Variants in GFRA1 observed in about 807,000 individuals in gnomAD.
The protein encoded by GFRA1 is GDNF family receptor alpha 1.
A neutral mutation model predicts 51.6 loss-of-function variants in GFRA1; 16 were observed. The observed-to-expected ratio is 0.31, with a 90% CI of 0.21 to 0.47. The LOEUF (loss-of-function observed/expected upper bound fraction) is 0.47, where lower values mean the gene tolerates loss of function less well. GFRA1 is among the 20% of genes least tolerant of loss of function. The pLI is 1.00. For missense variants in GFRA1, 530 were observed against 594.3 expected (o/e 0.89, Z 1.13); for synonymous variants, 270 against 241.3 (o/e 1.12, Z -1.10).
chr10:116,224,441 G>T (rs188379748), intron 4 of GFRA1, among the ~76,000 whole-genome samples: 1 of 152,230 alleles, frequency 6.6e-6, no homozygotes, highest in South Asian at 2.1e-4. Flanking sequence ...GAAATAATAC[G>T]AATGTCCATC....
chr10:116,154,132 TG>T (rs1348363405), intron 5 of GFRA1, among the ~76,000 whole-genome samples: 3 of 152,082 alleles, frequency 2.0e-5, no homozygotes, highest in African/African-American at 4.8e-5. Context: ...AATCTGCTGG[TG>T]GGAGTGCCAA....
intron 10 of GFRA1, among the ~76,000 whole-genome samples, chr10:116,065,300 C>T (rs901874902): frequency 2.0e-5 from 3 of 152,208 alleles, no homozygotes; most frequent in Non-Finnish European, 2.9e-5. Flanking sequence ...GATGATTTTA[C>T]ATGACTGTGA....
At chr10:116,204,613 T>G (rs1468545991) in intron 5 of GFRA1, among the ~76,000 whole-genome samples, 1 of 152,204 alleles carries the variant, frequency 6.6e-6, no homozygotes, top group Non-Finnish European at 1.5e-5. Context: ...AGGTTACTTT[T>G]GTTAAGGAAT....
At chr10:116,221,635 G>A (rs1036630960) in intron 4 of GFRA1, among the ~76,000 whole-genome samples, 19 of 152,164 alleles carry the variant, frequency 1.2e-4, no homozygotes, top group African/African-American at 4.6e-4. Flanking sequence ...GTGTTGGCCA[G>A]GCTGGTCTCA....
chr10:116,128,497 G>GGACC (rs1311254187), intron 5 of GFRA1, among the ~76,000 whole-genome samples: 1 of 152,024 alleles, frequency 6.6e-6, no homozygotes, highest in Non-Finnish European at 1.5e-5. Context: ...AGGCCGAGGT[G>GGACC]GACCGATCAC....
chr10:116,150,267 C>T (rs1959008682), intron 5 of GFRA1, among the ~76,000 whole-genome samples: 1 of 152,166 alleles, frequency 6.6e-6, no homozygotes, highest in South Asian at 2.1e-4. Flanking sequence ...CCTCCTCCTT[C>T]CACTTTGATA....
chr10:116,122,380 T>C (rs1039602568), intron 6 of GFRA1, among the ~76,000 whole-genome samples: 4 of 152,154 alleles, frequency 2.6e-5, no homozygotes, highest in Non-Finnish European at 5.9e-5. Flanking sequence ...TGTTGTACAT[T>C]TCTGTGCCGT....
intron 5 of GFRA1, among the ~76,000 whole-genome samples, chr10:116,183,212 G>A (rs1294929578): frequency 6.6e-6 from 1 of 152,124 alleles, no homozygotes; most frequent in African/African-American, 2.4e-5. Flanking sequence ...TACCCGCTGG[G>A]CCTGGGGTTC....
At chr10:116,071,833 T>C (rs1019785920) in intron 9 of GFRA1, among the ~76,000 whole-genome samples, 2 of 152,258 alleles carry the variant, frequency 1.3e-5, no homozygotes, top group Non-Finnish European at 2.9e-5. Context: ...TTTTGGATTA[T>C]GTGACCAGGA....
intron 5 of GFRA1, among the ~76,000 whole-genome samples, chr10:116,156,391 G>A (rs1018219275): frequency 3.3e-5 from 5 of 151,980 alleles, no homozygotes; most frequent in African/African-American, 1.2e-4. Context: ...TTTCATTCAG[G>A]GCACAAATGA....
At chr10:116,085,043 G>T (rs1380644282) in intron 9 of GFRA1, among the ~76,000 whole-genome samples, 2 of 152,170 alleles carry the variant, frequency 1.3e-5, no homozygotes, top group South Asian at 2.1e-4. Flanking sequence ...CCAAAACCCG[G>T]TATTTTATCA....
At chr10:116,113,362 C>G (rs531771868) in intron 6 of GFRA1, among the ~76,000 whole-genome samples, 159 of 152,124 alleles carry the variant, frequency 1.0e-3, no homozygotes, top group Admixed American at 3.5e-3. Context: ...AAACAAAAGC[C>G]CATTGAGATC....
At chr10:116,184,226 G>T (rs1363363278) in intron 5 of GFRA1, among the ~76,000 whole-genome samples, 1 of 152,226 alleles carries the variant, frequency 6.6e-6, no homozygotes, top group Non-Finnish European at 1.5e-5. Flanking sequence ...ACTGGCTTAT[G>T]AAATCTCCAG....
At chr10:116,081,764 G>A (rs1221754138) in intron 9 of GFRA1, among the ~76,000 whole-genome samples, 2 of 152,218 alleles carry the variant, frequency 1.3e-5, no homozygotes, top group Admixed American at 6.5e-5. Flanking sequence ...GTTTTCCAAA[G>A]TGGGGCTTGG....
chr10:116,203,317 C>A (rs887217185), intron 5 of GFRA1, among the ~76,000 whole-genome samples: 1 of 152,308 alleles, frequency 6.6e-6, no homozygotes, highest in East Asian at 1.9e-4. Flanking sequence ...AAAAACAATG[C>A]GAGTGGGGCT....
intron 4 of GFRA1, among the ~76,000 whole-genome samples, chr10:116,233,150 A>C (rs1190424569): frequency 6.6e-6 from 1 of 151,986 alleles, no homozygotes; most frequent in Non-Finnish European, 1.5e-5. Flanking sequence ...AACATGGCAA[A>C]ACCCTGTCTC....
chr10:116,233,897 T>G (rs954815976), intron 4 of GFRA1, among the ~76,000 whole-genome samples: 25 of 152,378 alleles, frequency 1.6e-4, no homozygotes, highest in African/African-American at 6.0e-4. Flanking sequence ...AATATGGCTT[T>G]GGGAAAGACT....
intron 4 of GFRA1, among the ~76,000 whole-genome samples, chr10:116,232,115 A>G (rs1966715277): frequency 6.6e-6 from 1 of 152,198 alleles, no homozygotes; most frequent in African/African-American, 2.4e-5. Context: ...TGAGAGTTTC[A>G]GGTAAGAGTG....
chr10:116,243,913 T>TG (rs1274436076), intron 4 of GFRA1, among the ~76,000 whole-genome samples: 1 of 151,906 alleles, frequency 6.6e-6, no homozygotes, highest in East Asian at 1.9e-4. Context: ...AAAAGAAACA[T>TG]GAAGCTTGTA....
Sources: allele counts gnomAD v4.1 joint callset (sites outside exome capture counted in the v4.1 genomes callset), GRCh38; gene constraint gnomAD v4.1.1; transcripts MANE v1.5; gene names NCBI Gene and HGNC (gene_info 2026-07-23, HGNC 2026-07-21).